Variants in LUC7L observed in about 807,000 individuals in gnomAD.
LUC7L encodes the protein LUC7 like.
A neutral mutation model predicts 51.1 loss-of-function variants in LUC7L; 29 were observed. The observed-to-expected ratio is 0.57, with a 90% CI of 0.42 to 0.77. The LOEUF is 0.77. Among genes scored for constraint, LUC7L ranks in the 30% least tolerant of loss-of-function variants. The pLI, the probability that LUC7L is intolerant of heterozygous loss-of-function variation, is 0.00. For missense variants in LUC7L, 403 were observed against 511.9 expected, an observed-to-expected ratio of 0.79 and a Z score of 2.05; for synonymous variants, 181 against 180.7, an observed-to-expected ratio of 1.00 and a Z score of -0.01.
chr16:202,133 A>G (rs2049351390), intron 5 of LUC7L, among the ~76,000 whole-genome samples: 1 of 151,818 alleles, frequency 6.6e-6, no homozygotes, highest in Admixed American at 6.6e-5. Flanking sequence ...TCCTGCCTCG[A>G]CCTTCCAAAG....
chr16:223,544 G>A (rs1203083647), intron 2 of LUC7L, among the ~76,000 whole-genome samples: 1 of 152,146 alleles, frequency 6.6e-6, no homozygotes, highest in Non-Finnish European at 1.5e-5. Flanking sequence ...GAAGTCAGAT[G>A]GGACTCACGT....
chr16:196,555 TCTCA>T (rs912940641), intron 6 of LUC7L, among the ~76,000 whole-genome samples: 1 of 152,110 alleles, frequency 6.6e-6, no homozygotes, highest in Non-Finnish European at 1.5e-5. Context: ...TAAGACAAAG[TCTCA>T]CTCTGTTGCC....
intron 6 of LUC7L, among the ~76,000 whole-genome samples, chr16:195,653 G>T (rs2049129753): frequency 6.6e-6 from 1 of 152,126 alleles, no homozygotes; most frequent in Non-Finnish European, 1.5e-5. Flanking sequence ...CAAACTCCTG[G>T]ATTCAATCGA....
chr16:213,340 A>T (rs1386342871), intron 3 of LUC7L, among the ~76,000 whole-genome samples: 1 of 152,056 alleles, frequency 6.6e-6, no homozygotes, highest in African/African-American at 2.4e-5. Flanking sequence ...ATGTGCCAGG[A>T]GTTCCATCCA....
intron 3 of LUC7L, among the ~76,000 whole-genome samples, chr16:210,271 G>C (rs1036240995): frequency 1.3e-5 from 2 of 152,176 alleles, no homozygotes; most frequent in Non-Finnish European, 2.9e-5. Context: ...TGGGCAACAA[G>C]AGCGAGACTC....
chr16:229,220 C>A (rs896169530), intron 1 of LUC7L, 59 bp downstream of exon 1: 35 of 1,510,744 alleles, frequency 2.3e-5, no homozygotes, highest in Middle Eastern at 2.3e-4. Flanking sequence ...CTCAGGCCGC[C>A]CGGCGGCCTC....
At chr16:212,022 G>C (rs545713827) in intron 3 of LUC7L, among the ~76,000 whole-genome samples, 1 of 152,200 alleles carries the variant, frequency 6.6e-6, no homozygotes, top group Non-Finnish European at 1.5e-5. Flanking sequence ...GGCCGGGCGC[G>C]GTGGCTCACG....
intron 2 of LUC7L, among the ~76,000 whole-genome samples, chr16:226,282 C>T (rs1376759473): frequency 1.3e-5 from 2 of 152,126 alleles, no homozygotes; most frequent in African/African-American, 2.4e-5. Context: ...TTAACATATG[C>T]ACATTTCATC....
intron 4 of LUC7L, among the ~76,000 whole-genome samples, chr16:206,392 G>C (rs1351857528): frequency 2.6e-5 from 4 of 152,152 alleles, no homozygotes; most frequent in Non-Finnish European, 4.4e-5. Flanking sequence ...TCACAGATTG[G>C]TCATTGTCTA....
intron 3 of LUC7L, among the ~76,000 whole-genome samples, chr16:216,539 T>C (rs972441314): frequency 6.6e-6 from 1 of 151,540 alleles, no homozygotes; most frequent in Admixed American, 6.6e-5. Flanking sequence ...CCCACCACCA[T>C]GACCGGCTGA....
intron 2 of LUC7L, among the ~76,000 whole-genome samples, chr16:223,497 C>T (rs538959108): frequency 9.9e-5 from 15 of 152,092 alleles, no homozygotes; most frequent in African/African-American, 2.4e-4. Flanking sequence ...TTTATTTTGA[C>T]GAAAGATTGA....
chr16:219,722 A>G (rs1479233676), intron 3 of LUC7L, among the ~76,000 whole-genome samples: 2 of 152,148 alleles, frequency 1.3e-5, no homozygotes, highest in East Asian at 3.9e-4. Flanking sequence ...AAAATACAAA[A>G]TCAGCCGGGC....
intron 7 of LUC7L, chr16:190,805 A>G (rs1377643527): frequency 3.8e-6 from 2 of 522,518 alleles, no homozygotes; most frequent in African/African-American, 3.8e-5. Flanking sequence ...ACTTTAACCT[A>G]GGAGGCAGAG....
chr16:219,716 T>C lies in LUC7L; in HGVS notation c.255+933A>G, dbSNP rs566478591. Among the ~76,000 whole-genome samples, 15 of 151,870 alleles carry C rather than the reference T, an allele frequency of 9.9e-5. No homozygotes were observed. In the South Asian group the frequency reaches 2.9e-3, roughly 30 times the overall value. Reference sequence around the variant, plus strand: ...GGAGAAACACCATCTCTACTAAAAATACAAAATCAGCCGGGCATGGCGGCT... The same window carrying C: ...GGAGAAACACCATCTCTACTAAAAACACAAAATCAGCCGGGCATGGCGGCT... On this transcript the variant is annotated intron_variant, in intron 3 of 9. Transcript: ENST00000293872.
At chr16:194,104 CT>C (rs1226015539) in intron 6 of LUC7L, among the ~76,000 whole-genome samples, 151 of 142,872 alleles carry the variant, frequency 1.1e-3, no homozygotes, top group Admixed American at 1.1e-3. Flanking sequence ...CGCTTGGCCA[CT>C]TTTTTTTTTT....
intron 2 of LUC7L, among the ~76,000 whole-genome samples, chr16:225,631 C>T (rs568285887): frequency 5.3e-5 from 8 of 150,730 alleles, no homozygotes; most frequent in East Asian, 2.0e-4. Context: ...GGATTACAGG[C>T]ATGCGCCACC....
In LUC7L at chr16:228,865, G is replaced by A. The variant is rs1454039392; in HGVS notation, c.61+414C>T. On this transcript the variant is annotated intron_variant, in intron 1 of 9. Coordinates refer to ENST00000293872, the MANE Select transcript of LUC7L (RefSeq NM_201412.3). ...CGGGCCAGGTTTTCGAGGCCCATCC[G>A]GCTCCCTCGGGTGTAGCTTCTTCCC... 5 of 1,303,654 alleles carry A rather than the reference G, an allele frequency of 3.8e-6. No homozygotes were observed. In the African/African-American group the frequency reaches 6.1e-5, roughly 16 times the overall value. The allele number at this position is 1,303,654 out of a possible 1,614,324, so 80.8% of individuals were successfully genotyped here.
At chr16:207,825 C>T (rs764294278) in intron 4 of LUC7L, among the ~76,000 whole-genome samples, 3 of 152,092 alleles carry the variant, frequency 2.0e-5, no homozygotes, top group African/African-American at 7.2e-5. Flanking sequence ...CCGGCTAACA[C>T]GGTGAAACCC....
Position 228,174 on chromosome 16 carries a change from C to T in LUC7L, c.62-838G>A, listed in dbSNP as rs2050176119. On this transcript the variant is annotated intron_variant, in intron 1 of 9. Coordinates refer to ENST00000293872, the MANE Select transcript of LUC7L (RefSeq NM_201412.3). ...GTATACAACACAGAGCTGTGCAACGCTAGAGGAGGAATATATTTTAGGATT... is the reference window on the plus strand; with the variant it reads ...GTATACAACACAGAGCTGTGCAACGTTAGAGGAGGAATATATTTTAGGATT... 6 of 1,249,356 alleles carry T rather than the reference C, an allele frequency of 4.8e-6. No homozygotes were observed. In the South Asian group the frequency reaches 7.0e-5, roughly 15 times the overall value. 77.4% of individuals were successfully genotyped at this position (1,249,356 alleles called of 1,614,324 possible).
Sources: gnomAD v4.1 joint callset for allele counts (sites outside exome capture counted in the v4.1 genomes callset) on GRCh38, gnomAD v4.1.1 for gene constraint, MANE v1.5 for transcripts, NCBI Gene and HGNC (gene_info 2026-07-23, HGNC 2026-07-21) for gene names.